The following TXNDC11 variants were observed in gnomAD, a reference collection of about 807,000 sequenced individuals.
TXNDC11 encodes the protein thioredoxin domain-containing protein 11.
Under a neutral mutation model 78.0 loss-of-function variants are expected in TXNDC11, and 68 were observed. The ratio of observed to expected loss-of-function variants is 0.87; its 90% CI spans 0.72 to 1.07. The LOEUF (loss-of-function observed/expected upper bound fraction) is 1.07, where lower values mean the gene tolerates loss of function less well. TXNDC11 is among the 50% of genes least tolerant of loss of function. TXNDC11 has a pLI of 0.00. For synonymous variants in TXNDC11, 571 were observed against 495.2 expected, an observed-to-expected ratio of 1.15 and a Z score of -2.03; for missense variants, 1,389 against 1,221.8, an observed-to-expected ratio of 1.14 and a Z score of -2.04.
In TXNDC11 at chr16:11,691,149, G is replaced by C. The variant is rs550060178; in HGVS notation, c.1900+141C>G. ...ATTAGCTTCTTTGAAAATTATGACT[G>C]ATGGTGGTCTAAAGACTTAAAATGA... is the stretch of plus-strand genomic sequence containing the variant. On this transcript the variant is annotated intron_variant, in intron 8 of 11. Coordinates refer to ENST00000283033, the MANE Select transcript of TXNDC11 (RefSeq NM_015914.7). 1.1e-4 allele frequency: 73 copies of C among 667,794 alleles called. No individual in the cohort carries two copies. The South Asian group carries it at 1.1e-3, about 10-fold the overall frequency. The allele number at this position is 667,794 out of a possible 1,614,324, so 41.4% of individuals were successfully genotyped here.
intron 5 of TXNDC11, among the ~76,000 whole-genome samples, chr16:11,711,373 C>T (rs1031129950): frequency 6.6e-6 from 1 of 152,140 alleles, no homozygotes; most frequent in African/African-American, 2.4e-5. Flanking sequence ...GTCAAAAGTC[C>T]AAAATGAGTC....
intron 5 of TXNDC11, among the ~76,000 whole-genome samples, chr16:11,701,013 T>G (rs1458493429): frequency 1.3e-5 from 2 of 152,136 alleles, no homozygotes; most frequent in Non-Finnish European, 2.9e-5. Flanking sequence ...AAAGGGAAAC[T>G]GGGCTCCTGA....
At chr16:11,681,590 T>C (rs1484792765) in intron 11 of TXNDC11, among the ~76,000 whole-genome samples, 1 of 151,696 alleles carries the variant, frequency 6.6e-6, no homozygotes, top group Non-Finnish European at 1.5e-5. Context: ...CCTGAGGGAG[T>C]GGCAGGGCAC....
intron 1 of TXNDC11, among the ~76,000 whole-genome samples, chr16:11,736,990 C>T (rs887626623): frequency 6.6e-6 from 1 of 152,008 alleles, no homozygotes; most frequent in Non-Finnish European, 1.5e-5. Context: ...GTAGAAGGGC[C>T]CTAGTAAACA....
chr16:11,701,357 G>A (rs369628236), intron 5 of TXNDC11, among the ~76,000 whole-genome samples: 1,604 of 151,758 alleles, frequency 0.011, 26 homozygotes, highest in African/African-American at 0.036. Flanking sequence ...GGGCAGTCTC[G>A]AACTCCTGAC....
At chr16:11,714,731 G>T (rs944014461) in intron 5 of TXNDC11, among the ~76,000 whole-genome samples, 7 of 152,126 alleles carry the variant, frequency 4.6e-5, no homozygotes, top group African/African-American at 1.7e-4. Context: ...TACCGACTCA[G>T]TTCTACAAGC....
chr16:11,742,544 G>A lies in TXNDC11; in HGVS notation c.187C>T (p.Pro63Ser). 6.9e-7 allele frequency: 1 copy of A among 1,456,178 alleles called. No homozygotes were observed. The allele number at this position is 1,456,178 out of a possible 1,614,324, so 90.2% of individuals were successfully genotyped here. ...GCCACGGCCCCGCAGAGCAGCTCCG[G>A]CCGCTGGCGCGCCATGAGGAAGGCG... ...RGAFLMARQR[P>S]ELLCGAVALG... The change falls in exon 1 of 12, where the codon CCG becomes TCG. Residue 63 changes from proline to serine, a missense_variant. Coordinates refer to ENST00000283033, the MANE Select transcript of TXNDC11 (RefSeq NM_015914.7).
chr16:11,734,853 A>C (rs911997362), intron 2 of TXNDC11, among the ~76,000 whole-genome samples: 8 of 152,172 alleles, frequency 5.3e-5, no homozygotes, highest in Non-Finnish European at 8.8e-5. Flanking sequence ...AGAGTCTTAG[A>C]AATCTGTGGG....
Position 11,691,396 on chromosome 16 carries a change from A to C in TXNDC11, c.1794T>G (p.Gly598=), listed in dbSNP as rs766974498. 1 of 1,614,202 alleles carries C rather than the reference A, an allele frequency of 6.2e-7. No homozygotes were observed. Among genetic ancestry groups the C allele is most frequent in the Non-Finnish European group, 8.5e-7 (1 of 1,180,008 alleles). The change falls in exon 8 of 12, where the codon GGT becomes GGG. Residue 598 remains glycine, a synonymous_variant. Coordinates refer to ENST00000283033, the MANE Select transcript of TXNDC11 (RefSeq NM_015914.7). ...NLFWLYAERL[G]APSSTQVKEF... is the part of the protein sequence containing the mutation. The stretch of plus-strand genomic sequence containing the variant: ...CTTTCACCTGAGTGGAGCTCGGAGC[A>C]CCCAGTCTCTCTGCATATAACCAAA...
intron 4 of TXNDC11, among the ~76,000 whole-genome samples, chr16:11,727,171 T>G (rs1036876052): frequency 8.5e-5 from 13 of 152,154 alleles, no homozygotes; most frequent in Admixed American, 7.9e-4. Flanking sequence ...ATATCTAGAT[T>G]AGAGACAAAT....
In TXNDC11 at chr16:11,679,279, G is replaced by A. The variant is rs2050343730; in HGVS notation, c.2793C>T (p.Pro931=). 1.2e-6 allele frequency: 2 copies of A among 1,612,864 alleles called. No individual in the cohort carries two copies. Among genetic ancestry groups the A allele is most frequent in the African/African-American group, 1.3e-5 (1 of 74,914 alleles). Residue 931 remains proline, a synonymous_variant, in exon 12 of 12, where the codon CCC becomes CCT. Coordinates refer to ENST00000283033, the MANE Select transcript of TXNDC11 (RefSeq NM_015914.7). This position sits in a 1 kb window ranked among gnomAD's most constrained non-coding sequence, Gnocchi z 4.6. ...GTGGAGGGGAGCTGCCAGGGAGCTG[G>A]GGGGTGGCTGAGGGCTCAGGCTGCT... ...HPKQPEPSAT[P]QLPGSSPPPA... is the part of the protein sequence containing the mutation.
chr16:11,697,934 G>A (rs2050902442), intron 7 of TXNDC11, among the ~76,000 whole-genome samples, 191 bp downstream of exon 7: 1 of 152,212 alleles, frequency 6.6e-6, no homozygotes, highest in South Asian at 2.1e-4. Flanking sequence ...GAGAGGCTGC[G>A]GCAGTCCCTG....
chr16:11,702,021 CAA>C (rs1355828444), intron 5 of TXNDC11, among the ~76,000 whole-genome samples: 3 of 92,826 alleles, frequency 3.2e-5, no homozygotes, highest in Non-Finnish European at 4.8e-5. Flanking sequence ...TTGATGTTAA[CAA>C]AAAAAAAAAA....
Position 11,691,980 on chromosome 16 carries a change from G to C in TXNDC11, c.1210C>G (p.Leu404Val). The C allele has an allele frequency of 8.1e-6, 13 of 1,601,946 alleles. No individual in the cohort carries two copies. The highest frequency in any genetic ancestry group is 1.1e-5 in the Non-Finnish European group (13 of 1,172,864). ...AGCTGTGCCGGCACTTCCAGGGCCA[G>C]GGACTCCAGCACTGGAGCATCCACC... ...RRVDAPVLESLALEVPAQLPD... is the reference protein window; with the variant it reads ...RRVDAPVLESVALEVPAQLPD... Residue 404 changes from leucine (L) to valine (V), a missense_variant, in exon 8 of 12, where the codon CTG becomes GTG. Leu to Val is a conservative substitution (Grantham distance 32). Transcript: ENST00000283033.
chr16:11,692,007 G>A lies in TXNDC11; in HGVS notation c.1183C>T (p.Arg395Trp), dbSNP rs761669853. The stretch of plus-strand genomic sequence containing the variant: ...GACTCCAGCACTGGAGCATCCACCC[G>A]CCGCAGGTGCTGAAGGAGACGCTCC... ...VVERLLQHLR[R>W]VDAPVLESLA... Residue 395 changes from arginine (R) to tryptophan (W), a missense_variant, in exon 8 of 12, where the codon CGG becomes TGG. Physicochemically the swap from Arg to Trp is moderately radical, Grantham distance 101 (BLOSUM62 -3). Transcript: ENST00000283033. 27 of 1,572,394 alleles carry A rather than the reference G, an allele frequency of 1.7e-5. No individual in the cohort carries two copies. The highest frequency in any genetic ancestry group is 5.4e-5 in the Admixed American group (3 of 55,828).
In TXNDC11 at chr16:11,688,439, A is replaced by G; in HGVS notation, c.1907T>C (p.Phe636Ser). 1 of 1,603,386 alleles carries G rather than the reference A, an allele frequency of 6.2e-7. No individual in the cohort carries two copies. Among genetic ancestry groups the G allele is most frequent in the Non-Finnish European group, 8.5e-7 (1 of 1,174,934 alleles). Residue 636 changes from phenylalanine to serine, a missense_variant, in exon 9 of 12, where the codon TTT becomes TCT. Transcript: ENST00000283033. ...ATAGAGAACGCTGAAGTTTTGAATA[A>G]AAGACTCTAAAAATAAAGAGAAAAT... ...QALMKLTLES[F>S]IQNFSVLYSP...
chr16:11,696,198 A>C, intron 7 of TXNDC11, among the ~76,000 whole-genome samples: 1 of 151,532 alleles, frequency 6.6e-6, no homozygotes, highest in South Asian at 2.1e-4. Context: ...ACCTGCAGCA[A>C]CTCCCGTCCC....
chr16:11,691,797 A>G lies in TXNDC11; in HGVS notation c.1393T>C (p.Phe465Leu). 1 of 1,614,260 alleles carries G rather than the reference A, an allele frequency of 6.2e-7. No individual in the cohort carries two copies. The stretch of plus-strand genomic sequence containing the variant: ...TCCAGAGCTGCTGCCATTTCAAAAA[A>G]GCTGCACTGTGGCACGCTGACCGAG... ...PSSVSVPQCS[F>L]FEMAAALDSF... The change falls in exon 8 of 12, where the codon TTT becomes CTT. Residue 465 changes from phenylalanine to leucine, a missense_variant. Phe to Leu is a conservative substitution (Grantham distance 22). Transcript: ENST00000283033.
Position 11,679,652 on chromosome 16 carries a change from A to C in TXNDC11, c.2420T>G (p.Ile807Ser). 6.2e-7 allele frequency: 1 copy of C among 1,614,042 alleles called. No individual in the cohort carries two copies. The highest frequency in any genetic ancestry group is 1.7e-4 in the Middle Eastern group (1 of 6,060). ...RGHISHLERE[I>S]QKLRAEISSL... ...GCTTATTTCTGCTCTCAGTTTCTGG[A>C]TCTCTCTCTCCAAGTGGGAGATGTG... The change falls in exon 12 of 12, where the codon ATC (isoleucine) becomes AGC (serine). Residue 807 changes from isoleucine (I) to serine (S), a missense_variant. Ile to Ser is a moderately radical substitution (Grantham distance 142, BLOSUM62 -2). Coordinates refer to ENST00000283033, the MANE Select transcript of TXNDC11 (RefSeq NM_015914.7). The surrounding 1 kb of genome is among the most constrained non-coding windows in gnomAD (Gnocchi z 4.6).
Sources: gnomAD v4.1 joint callset for allele counts (sites outside exome capture counted in the v4.1 genomes callset) on GRCh38, gnomAD v4.1.1 for gene constraint, Gnocchi (gnomAD v3.1) non-coding constraint, MANE v1.5 for transcripts, NCBI Gene and HGNC (gene_info 2026-07-23, HGNC 2026-07-21) for gene names.